Variants in PCDH9 observed in about 807,000 individuals in gnomAD.
The protein encoded by PCDH9 is protocadherin-9.
In PCDH9, 24 loss-of-function variants were observed where a neutral mutation model predicts 70.6. The observed-to-expected ratio is 0.34, with a 90% CI of 0.25 to 0.48. PCDH9 has a LOEUF of 0.48. Among genes scored for constraint, PCDH9 ranks in the 20% least tolerant of loss-of-function variants. The pLI, the probability that PCDH9 is intolerant of heterozygous loss-of-function variation, is 0.99. For synonymous variants in PCDH9, 562 were observed against 558.5 expected, an observed-to-expected ratio of 1.01 and a Z score of -0.09; for missense variants, 1,281 against 1,503.6, an observed-to-expected ratio of 0.85 and a Z score of 2.45.
chr13:66,450,934 G>A (rs1037317182), intron 4 of PCDH9, among the ~76,000 whole-genome samples: 4 of 151,976 alleles, frequency 2.6e-5, no homozygotes, highest in East Asian at 1.9e-4. Flanking sequence ...GGAGAATGGC[G>A]TGAACCCAGG....
At chr13:66,773,292 C>T (rs117317661) in intron 3 of PCDH9, among the ~76,000 whole-genome samples, 2,495 of 152,228 alleles carry the variant, frequency 0.016, 51 homozygotes, top group Admixed American at 0.057. Flanking sequence ...AGCTATTGAG[C>T]GTTTGAAAAG....
chr13:66,702,741 G>A (rs2078663377), intron 3 of PCDH9, among the ~76,000 whole-genome samples: 1 of 152,110 alleles, frequency 6.6e-6, no homozygotes, highest in Admixed American at 6.6e-5. Context: ...TGTCACTAAA[G>A]CTAGAAAAAT....
intron 3 of PCDH9, among the ~76,000 whole-genome samples, chr13:66,703,964 T>C (rs1448946885): frequency 6.6e-6 from 1 of 152,190 alleles, no homozygotes; most frequent in Non-Finnish European, 1.5e-5. Context: ...AGCCATACAT[T>C]CACTTTCATT....
chr13:66,718,635 A>G (rs925138706), intron 3 of PCDH9, among the ~76,000 whole-genome samples: 3 of 152,200 alleles, frequency 2.0e-5, no homozygotes, highest in Non-Finnish European at 4.4e-5. Context: ...TAATATCTAG[A>G]AAGTGTATGG....
chr13:67,148,522 C>T (rs1043730371), intron 2 of PCDH9, among the ~76,000 whole-genome samples: 4 of 151,914 alleles, frequency 2.6e-5, no homozygotes, highest in African/African-American at 7.2e-5. Flanking sequence ...TTAGAACACC[C>T]GTGCAAGTTT....
chr13:66,757,965 T>C (rs1161625085), intron 3 of PCDH9, among the ~76,000 whole-genome samples: 8 of 152,050 alleles, frequency 5.3e-5, no homozygotes, highest in Non-Finnish European at 1.0e-4. Flanking sequence ...TCCATAATTT[T>C]TTCTTAAATA....
At chr13:67,224,812 A>G in intron 2 of PCDH9, 1 of 891,692 alleles carries the variant, frequency 1.1e-6, no homozygotes, top group Non-Finnish European at 1.3e-6. Context: ...TTAATATATT[A>G]CAATAAAATA....
In PCDH9 at chr13:67,066,509, T is replaced by C. The variant is rs186796047; in HGVS notation, c.3036+158896A>G. On this transcript the variant is annotated intron_variant, in intron 2 of 4. Transcript: ENST00000377865. ...TCAGCCTCCCAAAGTGCTGGGATTA[T>C]AGGAGTGAGCCACCGCACCCGGCCT... Among the ~76,000 whole-genome samples, 18 of 152,206 alleles carry C rather than the reference T, an allele frequency of 1.2e-4. 1 individual carries two copies. In the East Asian group the frequency reaches 3.3e-3, roughly 28 times the overall value.
chr13:66,995,324 A>G (rs2084090942), intron 2 of PCDH9, among the ~76,000 whole-genome samples: 1 of 152,206 alleles, frequency 6.6e-6, no homozygotes, highest in South Asian at 2.1e-4. Context: ...GGACAGTGAT[A>G]TATTCACAAG....
chr13:67,055,559 C>A (rs1362150064), intron 2 of PCDH9, among the ~76,000 whole-genome samples: 1 of 152,046 alleles, frequency 6.6e-6, no homozygotes, highest in African/African-American at 2.4e-5. Context: ...CGCCTGTAAT[C>A]CCTGCACTTT....
At chr13:66,908,581 C>T (rs956072405) in intron 2 of PCDH9, among the ~76,000 whole-genome samples, 3 of 152,128 alleles carry the variant, frequency 2.0e-5, no homozygotes, top group African/African-American at 7.2e-5. Context: ...TATCTTTATA[C>T]TTACATCTAG....
chr13:67,029,300 A>C (rs1311293559), intron 2 of PCDH9, among the ~76,000 whole-genome samples: 1 of 152,192 alleles, frequency 6.6e-6, no homozygotes, highest in Non-Finnish European at 1.5e-5. Context: ...CAAACTAAGA[A>C]GTATGAGAAA....
At chr13:66,779,277 G>T (rs1040434395) in intron 3 of PCDH9, among the ~76,000 whole-genome samples, 1 of 150,998 alleles carries the variant, frequency 6.6e-6, no homozygotes, top group Admixed American at 6.6e-5. Context: ...AAAAATATTT[G>T]CATTCCCATG....
At chr13:66,593,366 A>T (rs1247062114) in intron 4 of PCDH9, among the ~76,000 whole-genome samples, 1 of 151,738 alleles carries the variant, frequency 6.6e-6, no homozygotes, top group Non-Finnish European at 1.5e-5. Context: ...ATGAATTTTT[A>T]AAAATAAATT....
chr13:66,737,388 A>C (rs2079168243), intron 3 of PCDH9, among the ~76,000 whole-genome samples: 2 of 152,068 alleles, frequency 1.3e-5, no homozygotes, highest in Admixed American at 6.5e-5. Context: ...ACTTAATTAA[A>C]AGTTATTGGT....
At chr13:66,760,591 T>C (rs2079609488) in intron 3 of PCDH9, among the ~76,000 whole-genome samples, 1 of 152,212 alleles carries the variant, frequency 6.6e-6, no homozygotes, top group African/African-American at 2.4e-5. Flanking sequence ...AAATTGTTTG[T>C]AAAACATGTG....
At chr13:66,859,388 G>A (rs1474974578) in intron 3 of PCDH9, among the ~76,000 whole-genome samples, 1 of 152,104 alleles carries the variant, frequency 6.6e-6, no homozygotes, top group Non-Finnish European at 1.5e-5. Context: ...CCTTTTAAAT[G>A]CCAACTCTTA....
intron 2 of PCDH9, chr13:67,202,020 G>A (rs755248064): frequency 7.8e-4 from 118 of 151,654 alleles, no homozygotes; most frequent in Admixed American, 2.6e-3. Flanking sequence ...GTAAAAATGT[G>A]GCTATTTTTC....
At chr13:66,463,574 T>C (rs1958463437) in intron 4 of PCDH9, among the ~76,000 whole-genome samples, 1 of 151,828 alleles carries the variant, frequency 6.6e-6, no homozygotes, top group African/African-American at 2.4e-5. Context: ...CAGGTCTGGA[T>C]TGTGGCCTGA....
Sources: allele counts gnomAD v4.1 joint callset (sites outside exome capture counted in the v4.1 genomes callset), GRCh38; gene constraint gnomAD v4.1.1; transcripts MANE v1.5; gene names NCBI Gene and HGNC (gene_info 2026-07-23, HGNC 2026-07-21).